The following PPTC7 variants were observed in gnomAD, a reference collection of about 807,000 sequenced individuals.
PPTC7 encodes the protein protein phosphatase PTC7 homolog.
PPTC7 carries 6 observed loss-of-function variants against 30.8 expected under a neutral mutation model. The observed-to-expected ratio is 0.19, with a 90% CI of 0.11 to 0.38. The LOEUF (loss-of-function observed/expected upper bound fraction) is 0.38. Among genes scored for constraint, PPTC7 ranks in the 10% least tolerant of loss-of-function variants. The pLI, the probability that PPTC7 is intolerant of heterozygous loss-of-function variation, is 1.00. For missense variants in PPTC7, 218 were observed against 404.8 expected, an observed-to-expected ratio of 0.54 and a Z score of 3.96; for synonymous variants, 163 against 168.1, an observed-to-expected ratio of 0.97 and a Z score of 0.23.
At chr12:110,540,771 A>G (rs1327606435) in intron 3 of PPTC7, among the ~76,000 whole-genome samples, 1 of 147,882 alleles carries the variant, frequency 6.8e-6, no homozygotes, top group Non-Finnish European at 1.5e-5. Context: ...GGAGAACAAC[A>G]TGCCAATCTT....
intron 1 of PPTC7, among the ~76,000 whole-genome samples, chr12:110,555,465 G>T (rs2064378666): frequency 6.6e-6 from 1 of 152,172 alleles, no homozygotes; most frequent in South Asian, 2.1e-4. Flanking sequence ...TCTCTACTTT[G>T]ATATATATTT....
chr12:110,570,637 T>G (rs1311221601), intron 1 of PPTC7, among the ~76,000 whole-genome samples: 3 of 90,654 alleles, frequency 3.3e-5, no homozygotes, highest in African/African-American at 1.3e-4. Flanking sequence ...AGGTGGGACC[T>G]GCGGGCAGCA....
intron 1 of PPTC7, among the ~76,000 whole-genome samples, chr12:110,559,104 A>G (rs973941977): frequency 7.9e-5 from 12 of 152,110 alleles, no homozygotes; most frequent in African/African-American, 2.9e-4. Flanking sequence ...GCTCACTGCA[A>G]CTTTGAACTC....
chr12:110,545,715 C>T (rs540844586), intron 3 of PPTC7, among the ~76,000 whole-genome samples, 165 bp downstream of exon 3: 1 of 152,260 alleles, frequency 6.6e-6, no homozygotes, highest in East Asian at 1.9e-4. Context: ...TATCTAGTTC[C>T]AGAAAAGTAT....
intron 1 of PPTC7, among the ~76,000 whole-genome samples, chr12:110,572,470 A>T (rs996437598): frequency 5.3e-5 from 8 of 152,138 alleles, no homozygotes; most frequent in African/African-American, 1.7e-4. Context: ...CAAAAAAGAT[A>T]ACAATGTACA....
chr12:110,551,031 C>T (rs1035357317), intron 2 of PPTC7, among the ~76,000 whole-genome samples: 4 of 152,188 alleles, frequency 2.6e-5, no homozygotes, highest in African/African-American at 9.7e-5. Context: ...AATGTTCTCT[C>T]TTCCCTTCAC....
At chr12:110,558,761 C>T (rs530331582) in intron 1 of PPTC7, among the ~76,000 whole-genome samples, 2 of 152,084 alleles carry the variant, frequency 1.3e-5, no homozygotes, top group South Asian at 2.1e-4. Context: ...AAGTAGCTAC[C>T]ACGCTCCGCT....
intron 1 of PPTC7, among the ~76,000 whole-genome samples, chr12:110,564,539 C>A (rs1422961747): frequency 6.6e-6 from 1 of 152,048 alleles, no homozygotes; most frequent in African/African-American, 2.4e-5. Flanking sequence ...CTTGACCTAA[C>A]CCCAAAGAAG....
chr12:110,573,054 AT>A (rs1193036148), intron 1 of PPTC7, among the ~76,000 whole-genome samples: 4 of 151,918 alleles, frequency 2.6e-5, no homozygotes, highest in Non-Finnish European at 5.9e-5. Context: ...TAATTTTTGT[AT>A]TTTCAGTAGA....
At chr12:110,541,041 C>T (rs1357296754) in intron 3 of PPTC7, among the ~76,000 whole-genome samples, 1 of 150,360 alleles carries the variant, frequency 6.7e-6, no homozygotes, top group African/African-American at 2.4e-5. Context: ...TCTCAAAGTG[C>T]TGGGATAACA....
chr12:110,559,184 C>G (rs2064416110), intron 1 of PPTC7, among the ~76,000 whole-genome samples: 1 of 151,968 alleles, frequency 6.6e-6, no homozygotes, highest in Non-Finnish European at 1.5e-5. Flanking sequence ...CCAACACACA[C>G]AACTCATTTT....
intron 1 of PPTC7, among the ~76,000 whole-genome samples, chr12:110,579,249 C>T (rs1461030295): frequency 2.6e-5 from 4 of 152,206 alleles, no homozygotes; most frequent in African/African-American, 9.6e-5. Flanking sequence ...GAGGCCAACT[C>T]ATGAAGTTAT....
At chr12:110,573,527 TTC>T (rs1419903344) in intron 1 of PPTC7, among the ~76,000 whole-genome samples, 2 of 152,192 alleles carry the variant, frequency 1.3e-5, no homozygotes, top group Admixed American at 6.5e-5. Context: ...CCAACATGTA[TTC>T]TGTTTTTTAA....
At chr12:110,564,645 C>CG (rs1331387761) in intron 1 of PPTC7, among the ~76,000 whole-genome samples, 2 of 152,082 alleles carry the variant, frequency 1.3e-5, no homozygotes, top group African/African-American at 2.4e-5. Flanking sequence ...TAGTCACATG[C>CG]GGCCTGGCAC....
chr12:110,574,248 T>G (rs1319037953), intron 1 of PPTC7, among the ~76,000 whole-genome samples: 4 of 151,562 alleles, frequency 2.6e-5, no homozygotes, highest in Admixed American at 2.6e-4. Context: ...CCACCCTTAC[T>G]TGATGTGTCA....
At chr12:110,556,336 CAT>C (rs1186119201) in intron 1 of PPTC7, among the ~76,000 whole-genome samples, 2 of 152,136 alleles carry the variant, frequency 1.3e-5, no homozygotes, top group African/African-American at 4.8e-5. Context: ...TAATACAGTG[CAT>C]ATATATAACT....
chr12:110,572,017 G>A (rs567575922), intron 1 of PPTC7, among the ~76,000 whole-genome samples: 2 of 152,274 alleles, frequency 1.3e-5, no homozygotes, highest in South Asian at 4.1e-4. Context: ...TTCAAACATA[G>A]CAGATATGAA....
At chr12:110,560,156 T>C (rs940918541) in intron 1 of PPTC7, among the ~76,000 whole-genome samples, 3 of 152,114 alleles carry the variant, frequency 2.0e-5, no homozygotes, top group Non-Finnish European at 4.4e-5. Flanking sequence ...TCCCAGCATA[T>C]TGGGAGGCTG....
rs1422904719 is a variant in PPTC7 at position 110,557,430 on chromosome 12, A to G, written c.224-5462T>C. Among the ~76,000 whole-genome samples the G allele has an allele frequency of 2.0e-5, 3 of 151,192 alleles. No homozygotes were observed. In the East Asian group the frequency reaches 5.8e-4, roughly 29 times the overall value. ...GCTGGGATTACAGACACACCCTGAT[A>G]CACCCCGCTACTTTTTTTTTTAAGT... On this transcript the variant is annotated intron_variant, in intron 1 of 5. Coordinates refer to ENST00000354300, the MANE Select transcript of PPTC7 (RefSeq NM_139283.2).
Sources: gnomAD v4.1 joint callset for allele counts (sites outside exome capture counted in the v4.1 genomes callset) on GRCh38, gnomAD v4.1.1 for gene constraint, MANE v1.5 for transcripts, NCBI Gene and HGNC (gene_info 2026-07-23, HGNC 2026-07-21) for gene names.